Variants in ROR1 observed in about 807,000 individuals in gnomAD.
ROR1 encodes the protein inactive tyrosine-protein kinase transmembrane receptor ROR1.
Under a neutral mutation model 78.8 loss-of-function variants are expected in ROR1, and 19 were observed. The observed-to-expected ratio is 0.24, with a 90% CI of 0.17 to 0.35. ROR1 has a LOEUF of 0.35. Ranked by LOEUF, ROR1 falls within the 10% of genes least tolerant of loss-of-function variation. The pLI is 1.00. For missense variants in ROR1, 917 were observed against 1,177.8 expected (o/e 0.78, Z 3.24); for synonymous variants, 386 against 433.6 (o/e 0.89, Z 1.36).
chr1:63,905,856 A>G (rs1372933328), intron 1 of ROR1, among the ~76,000 whole-genome samples: 6 of 152,250 alleles, frequency 3.9e-5, no homozygotes, highest in African/African-American at 1.4e-4. Context: ...TGTAATTTAT[A>G]GCTCAATTCC....
intron 1 of ROR1, among the ~76,000 whole-genome samples, chr1:63,882,614 C>G (rs1310887052): frequency 1.3e-5 from 2 of 152,082 alleles, no homozygotes; most frequent in Non-Finnish European, 2.9e-5. Flanking sequence ...ACCAATTGTA[C>G]AAGAGCAGGA....
intron 2 of ROR1, among the ~76,000 whole-genome samples, chr1:64,029,539 T>G (rs902493813): frequency 3.3e-5 from 5 of 152,204 alleles, no homozygotes; most frequent in African/African-American, 9.7e-5. Flanking sequence ...TTCTGGAGGC[T>G]GGAAAGTCCA....
chr1:64,029,111 AAAT>A (rs1646639528), intron 2 of ROR1: 1 of 152,154 alleles, frequency 6.6e-6, no homozygotes, highest in Non-Finnish European at 1.5e-5. Context: ...ATATTAATAA[AAAT>A]AATATTTGTT....
Position 64,014,740 on chromosome 1 carries a change from C to CTATATATATATATATATATATA in ROR1, c.163+5377_163+5398dup, listed in dbSNP as rs1208813882. Reference sequence around the variant, plus strand: ...ATATATATATATACACATACGCACACTATATATATATATATATATATATAT... The same window carrying CTATATATATATATATATATATA: ...ATATATATATATACACATACGCACACTATATATATATATATATATATATATATATATATATATATATATATAT... On this transcript the variant is annotated intron_variant, in intron 2 of 8. Coordinates refer to ENST00000371079, the MANE Select transcript of ROR1 (RefSeq NM_005012.4). Among the ~76,000 whole-genome samples the CTATATATATATATATATATATA allele has an allele frequency of 5.8e-3, 169 of 28,960 alleles. 8 individuals are homozygous for CTATATATATATATATATATATA. The highest frequency in any genetic ancestry group is 9.7e-3 in the African/African-American group (87 of 8,928). The allele number at this position is 28,960 out of a possible 152,430, so 19.0% of individuals were successfully genotyped here.
At chr1:63,842,571 T>G (rs1392954476) in intron 1 of ROR1, among the ~76,000 whole-genome samples, 1 of 152,292 alleles carries the variant, frequency 6.6e-6, no homozygotes, top group African/African-American at 2.4e-5. Flanking sequence ...GAAAAGTTAG[T>G]CTGGAACCAA....
chr1:63,865,190 A>G (rs1376555024), intron 1 of ROR1, among the ~76,000 whole-genome samples: 1 of 152,086 alleles, frequency 6.6e-6, no homozygotes, highest in Admixed American at 6.6e-5. Flanking sequence ...TGTTATTTGT[A>G]TTACCTGTTT....
intron 1 of ROR1, among the ~76,000 whole-genome samples, chr1:63,996,195 C>T (rs925270636): frequency 1.3e-5 from 2 of 152,090 alleles, no homozygotes; most frequent in Admixed American, 6.5e-5. Flanking sequence ...AAAAGATGTA[C>T]CCCCAAAGAA....
intron 1 of ROR1, among the ~76,000 whole-genome samples, chr1:63,783,183 T>G (rs1644663906): frequency 2.0e-5 from 3 of 152,042 alleles, no homozygotes; most frequent in South Asian, 4.1e-4. Context: ...GAATGAAGCC[T>G]GTTGTGTTTT....
chr1:63,900,728 C>T (rs934724239), intron 1 of ROR1, among the ~76,000 whole-genome samples: 2 of 151,826 alleles, frequency 1.3e-5, no homozygotes, highest in Non-Finnish European at 1.5e-5. Flanking sequence ...TTTTATTTAC[C>T]ACTCATCTAT....
At chr1:64,122,312 C>A (rs4110906) in intron 4 of ROR1, among the ~76,000 whole-genome samples, 2 of 151,910 alleles carry the variant, frequency 1.3e-5, no homozygotes, top group Admixed American at 6.6e-5. Context: ...ACTAATTGGC[C>A]CTTTCTCTTC....
chr1:64,037,265 C>G (rs542595262), intron 2 of ROR1, among the ~76,000 whole-genome samples: 6 of 152,270 alleles, frequency 3.9e-5, no homozygotes, highest in African/African-American at 1.2e-4. Flanking sequence ...AGATAGTTTT[C>G]TACATCTCTG....
At position 63,774,584 on chromosome 1, in the gene ROR1, CG is replaced by C. The variant is rs1644601308; in HGVS notation, c.91+79del. 15 of 817,186 alleles carry C rather than the reference CG, an allele frequency of 1.8e-5. No homozygotes were observed. In the South Asian group the frequency reaches 7.6e-4, roughly 42 times the overall value. The allele number at this position is 817,186 out of a possible 1,614,324, so 50.6% of individuals were successfully genotyped here. A position where few individuals can be genotyped will look rare whatever the true frequency, so the allele number is the denominator to read the frequency against. On this transcript the variant is annotated intron_variant, in intron 1 of 8. Transcript: ENST00000371079. This position sits in a 1 kb window ranked among gnomAD's most constrained non-coding sequence, Gnocchi z 5.7. ...CACCCTTCCGCCGTCCAGCCGGGCG[CG>C]GGACACGCAGGAAGCGCCGCGCTGG...
rs1212970983 is a variant in ROR1, at chr1:63,809,592, T to G, written c.91+35084T>G. On this transcript the variant is annotated intron_variant, in intron 1 of 8. Coordinates refer to ENST00000371079, the MANE Select transcript of ROR1 (RefSeq NM_005012.4). ...CTTTTCTCTGTCTAGGGGAGACGCT[T>G]AAGCAAACGTGAATGTACTTCCAAT... is the stretch of plus-strand genomic sequence containing the variant. 2.0e-5 allele frequency among the ~76,000 whole-genome samples: 3 copies of G among 152,302 alleles called. No homozygotes were observed. In the East Asian group the frequency reaches 5.8e-4, roughly 29 times the overall value.
chr1:63,933,482 G>A (rs567211931), intron 1 of ROR1, among the ~76,000 whole-genome samples: 2 of 152,144 alleles, frequency 1.3e-5, no homozygotes, highest in African/African-American at 4.8e-5. Flanking sequence ...TGCTCAATAA[G>A]TATTTGCTGA....
intron 4 of ROR1, among the ~76,000 whole-genome samples, chr1:64,091,874 A>G (rs1205627020): frequency 1.3e-5 from 2 of 152,182 alleles, no homozygotes; most frequent in African/African-American, 4.8e-5. Flanking sequence ...AGCGATGGGT[A>G]TGAGCAGTGT....
intron 4 of ROR1, among the ~76,000 whole-genome samples, chr1:64,130,601 C>T (rs990875648): frequency 6.6e-6 from 1 of 152,112 alleles, no homozygotes; most frequent in Non-Finnish European, 1.5e-5. Context: ...TAAGTGATGC[C>T]CCCTCCTCCT....
At chr1:63,936,537 G>A (rs1203636668) in intron 1 of ROR1, among the ~76,000 whole-genome samples, 4 of 152,220 alleles carry the variant, frequency 2.6e-5, no homozygotes, top group Non-Finnish European at 2.9e-5. Context: ...ATTTTTTAAC[G>A]CATGTTATGG....
intron 2 of ROR1, among the ~76,000 whole-genome samples, chr1:64,041,531 G>C (rs534671103): frequency 6.6e-6 from 1 of 152,266 alleles, no homozygotes; most frequent in African/African-American, 2.4e-5. Context: ...GCTTCCTAAG[G>C]AAAGAACTAT....
chr1:63,853,971 C>A (rs1467687308), intron 1 of ROR1, among the ~76,000 whole-genome samples: 1 of 152,156 alleles, frequency 6.6e-6, no homozygotes, highest in Non-Finnish European at 1.5e-5. Context: ...GGAATTTTAA[C>A]TAATGCTGCT....
Sources: allele counts gnomAD v4.1 joint callset (sites outside exome capture counted in the v4.1 genomes callset), GRCh38; gene constraint gnomAD v4.1.1; non-coding constraint Gnocchi (gnomAD v3.1); transcripts MANE v1.5; gene names NCBI Gene and HGNC (gene_info 2026-07-23, HGNC 2026-07-21).